Variants in RAP1GAP observed in about 807,000 individuals in gnomAD.
RAP1GAP encodes the protein rap1 GTPase-activating protein 1.
A neutral mutation model predicts 87.2 loss-of-function variants in RAP1GAP; 35 were observed. The ratio of observed to expected loss-of-function variants is 0.40; its 90% CI spans 0.31 to 0.53. The LOEUF is 0.53. Ranked by LOEUF, RAP1GAP falls within the 20% of genes least tolerant of loss-of-function variation. The pLI is 0.48. For missense variants in RAP1GAP, 734 were observed against 898.9 expected (o/e 0.82, Z 2.35); for synonymous variants, 375 against 363.9 (o/e 1.03, Z -0.35).
intron 18 of RAP1GAP, among the ~76,000 whole-genome samples, chr1:21,604,997 ATGGG>A (rs1232204030): frequency 4.0e-5 from 1 of 25,150 alleles, no homozygotes; most frequent in South Asian, 1.6e-3. Flanking sequence ...AGGTGGGTGG[ATGGG>A]TGGGTGGGTG....
intron 3 of RAP1GAP, among the ~76,000 whole-genome samples, chr1:21,621,177 T>G (rs1363801609): frequency 6.6e-6 from 1 of 152,100 alleles, no homozygotes; most frequent in African/African-American, 2.4e-5. Flanking sequence ...CACAAAGCTA[T>G]GGTAACACCA....
chr1:21,602,993 C>A, intron 18 of RAP1GAP, 80 bp from the exon 19 acceptor site: 1 of 1,018,448 alleles, frequency 9.8e-7, no homozygotes, highest in Admixed American at 2.2e-5. Context: ...GGGGATCCTG[C>A]TGCCCCAGGC....
chr1:21,598,075 GGGCAGGAGGGA>G lies in RAP1GAP; in HGVS notation c.1880-22_1880-12del. The G allele has an allele frequency of 6.7e-7, 1 of 1,493,850 alleles. No homozygotes were observed. The highest frequency in any genetic ancestry group is 9.0e-7 in the Non-Finnish European group (1 of 1,106,956). The allele number at this position is 1,493,850 out of a possible 1,614,324, so 92.5% of individuals were successfully genotyped here. Reference sequence around the variant, plus strand: ...GTGATCGAGAGGGGCCTGGGGAGGGGGGCAGGAGGGAGCCACCTCACTGGCCGCGGGGAGGC... The same window carrying G: ...GTGATCGAGAGGGGCCTGGGGAGGGGGCCACCTCACTGGCCGCGGGGAGGC... On this transcript the variant is annotated splice_polypyrimidine_tract_variant and intron_variant, in intron 22 of 24. Transcript: ENST00000374765.
At chr1:21,662,719 C>A (rs546939821) in intron 1 of RAP1GAP, among the ~76,000 whole-genome samples, 5 of 152,118 alleles carry the variant, frequency 3.3e-5, no homozygotes, top group Non-Finnish European at 7.4e-5. Flanking sequence ...CCCTCCCCAA[C>A]CCCTTCTCAT....
At position 21,617,296 on chromosome 1, in the gene RAP1GAP, G is replaced by A. The variant is rs372523283; in HGVS notation, c.291+10C>T. ...CCCAGCCAGCCCCGCTGCACCAGCC[G>A]GCCACCCACCTTGCCGAGAAAGTGC... is the stretch of plus-strand genomic sequence containing the variant. On this transcript the variant is annotated intron_variant, in intron 7 of 24. Transcript: ENST00000374765. The A allele has an allele frequency of 4.6e-5, 72 of 1,560,238 alleles. No homozygotes were observed. The East Asian group carries it at 6.9e-4, about 15-fold the overall frequency.
Position 21,609,655 on chromosome 1 carries a change from G to C in RAP1GAP, c.1000-9C>G, listed in dbSNP as rs1366517711. 2.6e-6 allele frequency: 4 copies of C among 1,563,788 alleles called. No homozygotes were observed. Among genetic ancestry groups the C allele is most frequent in the Non-Finnish European group, 3.5e-6 (4 of 1,155,084 alleles). On this transcript the variant is annotated splice_polypyrimidine_tract_variant and intron_variant, in intron 14 of 24. Coordinates refer to ENST00000374765, the MANE Select transcript of RAP1GAP (RefSeq NM_002885.4). This position sits in a 1 kb window ranked among gnomAD's most constrained non-coding sequence, Gnocchi z 4.4. ...CTTGCAGTGACAGAGACCTGGAAGG[G>C]AGGGCAGCTGTCTGTTCCTGTGGAG...
chr1:21,637,519 G>A (rs1280788964), intron 2 of RAP1GAP, among the ~76,000 whole-genome samples: 1 of 152,034 alleles, frequency 6.6e-6, no homozygotes, highest in East Asian at 1.9e-4. Context: ...AGAGGCAATG[G>A]ATGTTAAAAT....
At position 21,609,725 on chromosome 1, in the gene RAP1GAP, C is replaced by T; in HGVS notation, c.1000-79G>A. ...CACCCAGCCAGAAACCCCTACTGTG[C>T]CTCCCTGGACTGCCCCTTGGTCGGG... On this transcript the variant is annotated intron_variant, in intron 14 of 24. Transcript: ENST00000374765. The surrounding 1 kb of genome is among the most constrained non-coding windows in gnomAD (Gnocchi z 4.4). The T allele has an allele frequency of 9.3e-7, 1 of 1,072,054 alleles. No homozygotes were observed. Among genetic ancestry groups the T allele is most frequent in the Non-Finnish European group, 1.3e-6 (1 of 763,846 alleles). 66.4% of individuals were successfully genotyped at this position (1,072,054 alleles called of 1,614,324 possible).
chr1:21,613,807 G>A lies in RAP1GAP; in HGVS notation c.396-101C>T, dbSNP rs543844954. On this transcript the variant is annotated intron_variant, in intron 8 of 24. Coordinates refer to ENST00000374765, the MANE Select transcript of RAP1GAP (RefSeq NM_002885.4). The surrounding 1 kb of genome is among the most constrained non-coding windows in gnomAD (Gnocchi z 4.7). ...AGGCCAGAAGGGGGTGGACCACAGC[G>A]AGGACCAGAGGTGATGATGGGTGTC... 6.3e-6 allele frequency: 8 copies of A among 1,269,142 alleles called. No individual in the cohort carries two copies. Among genetic ancestry groups the A allele is most frequent in the African/African-American group, 1.5e-5 (1 of 68,074 alleles). The allele number at this position is 1,269,142 out of a possible 1,614,324, so 78.6% of individuals were successfully genotyped here.
Position 21,659,324 on chromosome 1 carries a change from G to A in RAP1GAP, c.-148-9528C>T, listed in dbSNP as rs369690625. Among the ~76,000 whole-genome samples, 27 of 152,372 alleles carry A rather than the reference G, an allele frequency of 1.8e-4. No homozygotes were observed. The East Asian group carries it at 2.3e-3, about 13-fold the overall frequency. ...CGGCCGCCCGGGCTCCAGGACCAGG[G>A]ACAGCGCCCCGGGAGCATCTCAGAG... On this transcript the variant is annotated intron_variant, in intron 1 of 24. Transcript: ENST00000374765.
rs144403755 is a variant in RAP1GAP, at chr1:21,600,714, G to A, written c.1652+970C>T. On this transcript the variant is annotated intron_variant, in intron 20 of 24. Transcript: ENST00000374765. Reference sequence around the variant, plus strand: ...ATCCTGGCTAACACGGTGAAACCCCGTATCTACTAAAAATACAAAAATTAG... The same window carrying A: ...ATCCTGGCTAACACGGTGAAACCCCATATCTACTAAAAATACAAAAATTAG... 8.1e-3 allele frequency among the ~76,000 whole-genome samples: 1,225 copies of A among 151,878 alleles called. 24 individuals are homozygous for A. The highest frequency in any genetic ancestry group is 0.028 in the African/African-American group (1,168 of 41,364).
In RAP1GAP at chr1:21,617,341, T is replaced by C. The variant is rs1352813870; in HGVS notation, c.256A>G (p.Thr86Ala). The part of the protein sequence containing the change: ...TTKVKLECNP[T>A]ARIYRKHFLG... ...AAGTGCTTCCGGTAGATGCGGGCTG[T>C]GGGGTTGCACTCGAGCTTCACCTTG... Residue 86 changes from threonine (T) to alanine (A), a missense_variant, in exon 7 of 25, where the codon ACA becomes GCA. Transcript: ENST00000374765. 6 of 1,594,144 alleles carry C rather than the reference T, an allele frequency of 3.8e-6. No homozygotes were observed. The African/African-American group carries it at 8.0e-5, about 21-fold the overall frequency.
chr1:21,598,338 C>A (rs1646461781), intron 22 of RAP1GAP, 62 bp downstream of exon 22: 2 of 1,443,300 alleles, frequency 1.4e-6, no homozygotes, highest in East Asian at 4.5e-5. Context: ...TGGTGCCCAG[C>A]CCTGTCCCCC....
chr1:21,647,127 A>G (rs547461830), intron 2 of RAP1GAP, among the ~76,000 whole-genome samples: 22 of 152,274 alleles, frequency 1.4e-4, no homozygotes, highest in Admixed American at 1.1e-3. Flanking sequence ...GTAGTTGCAC[A>G]AGACCATGTG....
At chr1:21,641,832 C>A (rs1282554788) in intron 2 of RAP1GAP, among the ~76,000 whole-genome samples, 1 of 152,184 alleles carries the variant, frequency 6.6e-6, no homozygotes, top group Non-Finnish European at 1.5e-5. Flanking sequence ...TGTATCACAG[C>A]CAACCTTCCC....
At chr1:21,627,641 C>T (rs1014199452) in intron 2 of RAP1GAP, among the ~76,000 whole-genome samples, 4 of 151,860 alleles carry the variant, frequency 2.6e-5, no homozygotes, top group African/African-American at 9.7e-5. Flanking sequence ...TCTCGAACTC[C>T]CGACCTCAGG....
rs767905615 is a variant in RAP1GAP at position 21,651,524 on chromosome 1, A to G, written c.-148-1728T>C. The stretch of plus-strand genomic sequence containing the variant: ...CTTAGACACAAACACAGCAATGTCC[A>G]CCCTGCACTCACCTCCCCACACATG... On this transcript the variant is annotated intron_variant, in intron 1 of 24. Coordinates refer to ENST00000374765, the MANE Select transcript of RAP1GAP (RefSeq NM_002885.4). 7.5e-6 allele frequency: 5 copies of G among 666,394 alleles called. No homozygotes were observed. In the African/African-American group the frequency reaches 9.1e-5, roughly 12 times the overall value. 41.3% of individuals were successfully genotyped at this position (666,394 alleles called of 1,614,324 possible).
At chr1:21,617,559 A>C in intron 6 of RAP1GAP, 68 bp from the exon 7 acceptor site, 1 of 1,496,738 alleles carries the variant, frequency 6.7e-7, no homozygotes, top group Non-Finnish European at 9.0e-7. Context: ...ACACCCTCCC[A>C]ACTCAGACCT....
chr1:21,639,926 T>G (rs2095349849), intron 2 of RAP1GAP, among the ~76,000 whole-genome samples: 1 of 152,056 alleles, frequency 6.6e-6, no homozygotes, highest in Non-Finnish European at 1.5e-5. Flanking sequence ...AGCGCTTGTG[T>G]CGCATGTTTG....
Sources: allele counts gnomAD v4.1 joint callset (sites outside exome capture counted in the v4.1 genomes callset), GRCh38; gene constraint gnomAD v4.1.1; non-coding constraint Gnocchi (gnomAD v3.1); transcripts MANE v1.5; gene names NCBI Gene and HGNC (gene_info 2026-07-23, HGNC 2026-07-21).